The following ZNF236 variants were observed in gnomAD, a reference collection of about 807,000 sequenced individuals.
ZNF236 encodes zinc finger protein 236.
A neutral mutation model predicts 191.2 loss-of-function variants in ZNF236; 50 were observed. That is an observed-to-expected ratio of 0.26 (90% CI 0.21 to 0.33). The LOEUF (loss-of-function observed/expected upper bound fraction) is 0.33. ZNF236 is among the 10% of genes least tolerant of loss of function. ZNF236 has a pLI of 1.00. For synonymous variants in ZNF236, 907 were observed against 928.8 expected (o/e 0.98, Z 0.43); for missense variants, 1,754 against 2,374.5 (o/e 0.74, Z 5.43).
intron 19 of ZNF236, among the ~76,000 whole-genome samples, chr18:76,917,037 TA>T (rs1967386817): frequency 6.6e-6 from 1 of 152,226 alleles, no homozygotes; most frequent in Admixed American, 6.5e-5. Context: ...AAAACTTGCC[TA>T]AACTCCCTCA....
intron 20 of ZNF236, among the ~76,000 whole-genome samples, chr18:76,922,343 C>G (rs553051108): frequency 1.1e-3 from 160 of 152,330 alleles, no homozygotes; most frequent in African/African-American, 3.8e-3. Flanking sequence ...GCCTGTTTTA[C>G]AGCTGCAGCC....
intron 9 of ZNF236, among the ~76,000 whole-genome samples, chr18:76,882,584 T>C (rs1976929936): frequency 6.6e-6 from 1 of 152,200 alleles, no homozygotes; most frequent in African/African-American, 2.4e-5. Context: ...GGGGAACAAG[T>C]GCATTCTTGC....
intron 11 of ZNF236, among the ~76,000 whole-genome samples, chr18:76,903,267 G>C (rs1977651868): frequency 1.3e-5 from 2 of 152,186 alleles, no homozygotes; most frequent in African/African-American, 4.8e-5. Flanking sequence ...GCAAGTTTAA[G>C]AGACATTGGA....
At chr18:76,894,870 C>T (rs754072765) in intron 9 of ZNF236, 143 bp from the exon 10 acceptor site, 3 of 1,147,232 alleles carry the variant, frequency 2.6e-6, no homozygotes, top group East Asian at 2.4e-5. Context: ...TCCTAGCCCT[C>T]GATAATGTCA....
chr18:76,822,620 C>G lies in ZNF236; in HGVS notation c.13C>G (p.Arg5Gly), dbSNP rs1019162854. 6.6e-6 allele frequency: 1 copy of G among 150,728 alleles called. No homozygotes were observed. Among genetic ancestry groups the G allele is most frequent in the African/African-American group, 2.5e-5 (1 of 40,618 alleles). The allele number at this position is 150,728 out of a possible 1,614,324, so 9.3% of individuals were successfully genotyped here. MPRG[R>G]PPKPRESKAR... ...CGGGCCGCCGACGATGCCGCGGGGC[C>G]GCCCCCCGAAGCCCAGGGAGAGCAA... Residue 5 changes from arginine to glycine, a missense_variant, in exon 1 of 31, where the codon CGC (arginine) becomes GGC (glycine). This residue lies in a region of ZNF236 where 336 missense variants were observed against 495.1 expected (regional missense o/e 0.68). Transcript: ENST00000320610.
chr18:76,918,613 A>G (rs1321424014), intron 19 of ZNF236, among the ~76,000 whole-genome samples: 2 of 152,144 alleles, frequency 1.3e-5, no homozygotes, highest in Non-Finnish European at 2.9e-5. Context: ...TTTTTTGTAG[A>G]GACGGGGTCT....
intron 9 of ZNF236, chr18:76,885,502 T>G (rs1977025346): frequency 6.3e-6 from 1 of 157,640 alleles, no homozygotes. Flanking sequence ...CTCTGTTCTC[T>G]GTACCTTCAC....
chr18:76,876,421 A>G (rs982267517), intron 6 of ZNF236, among the ~76,000 whole-genome samples: 1 of 152,220 alleles, frequency 6.6e-6, no homozygotes, highest in African/African-American at 2.4e-5. Context: ...TTTACTTAGA[A>G]TAATACCTTA....
At chr18:76,894,326 T>C (rs2122700808) in intron 9 of ZNF236, among the ~76,000 whole-genome samples, 1 of 152,360 alleles carries the variant, frequency 6.6e-6, no homozygotes, top group South Asian at 2.1e-4. Flanking sequence ...GCACTCACGC[T>C]GCTGCATTCA....
At chr18:76,950,991 T>C (rs1182019448) in intron 27 of ZNF236, among the ~76,000 whole-genome samples, 2 of 152,238 alleles carry the variant, frequency 1.3e-5, no homozygotes, top group East Asian at 3.8e-4. Context: ...AGCAGGAATA[T>C]TTTGAAAGGA....
At chr18:76,842,475 G>A (rs1298766960) in intron 1 of ZNF236, among the ~76,000 whole-genome samples, 3 of 150,036 alleles carry the variant, frequency 2.0e-5, no homozygotes, top group Non-Finnish European at 3.0e-5. Context: ...ACCATAGCCT[G>A]GTGCGATGGC....
At chr18:76,942,753 A>T (rs980899397) in intron 26 of ZNF236, among the ~76,000 whole-genome samples, 13 of 148,376 alleles carry the variant, frequency 8.8e-5, no homozygotes, top group African/African-American at 3.2e-4. Flanking sequence ...TGACCTCGTG[A>T]TCCGCCCGCC....
intron 1 of ZNF236, among the ~76,000 whole-genome samples, chr18:76,843,560 G>A (rs1049754831): frequency 7.0e-6 from 1 of 142,306 alleles, no homozygotes; most frequent in Admixed American, 7.1e-5. Flanking sequence ...GGCGGATCAC[G>A]AGGTCAGGAG....
rs1249686868 is a variant in ZNF236, at chr18:76,969,604, T to G, written c.*1265T>G. On this transcript the variant is annotated 3_prime_UTR_variant, in exon 31 of 31. Transcript: ENST00000320610. ...AATGGATATCTTTTTCATTGTCATATAAAGCTGGGTTTTATTTTTTTTTCC... is the reference window on the plus strand; with the variant it reads ...AATGGATATCTTTTTCATTGTCATAGAAAGCTGGGTTTTATTTTTTTTTCC... 1 of 152,656 alleles carries G rather than the reference T, an allele frequency of 6.6e-6. No individual in the cohort carries two copies. The highest frequency in any genetic ancestry group is 2.4e-5 in the African/African-American group (1 of 41,466). 9.5% of individuals were successfully genotyped at this position (152,656 alleles called of 1,614,324 possible). A position where few individuals can be genotyped will look rare whatever the true frequency, so the allele number is the denominator to read the frequency against.
rs767706711 is a variant in ZNF236 at position 76,919,561 on chromosome 18, G to C, written c.3275-215G>C. ...CTTCACCAACCTCTGTTCATCCCCCGCCCCCCACTTTCCAGTACACTTGGC... is the reference window on the plus strand; with the variant it reads ...CTTCACCAACCTCTGTTCATCCCCCCCCCCCCACTTTCCAGTACACTTGGC... On this transcript the variant is annotated intron_variant, in intron 19 of 30. Transcript: ENST00000320610. The surrounding 1 kb of genome is among the most constrained non-coding windows in gnomAD (Gnocchi z 5.3). Among the ~76,000 whole-genome samples the C allele has an allele frequency of 6.6e-6, 1 of 150,800 alleles. No individual in the cohort carries two copies. The highest frequency in any genetic ancestry group is 2.1e-4 in the South Asian group (1 of 4,762).
chr18:76,887,366 C>T (rs1977088844), intron 9 of ZNF236: 1 of 140,756 alleles, frequency 7.1e-6, no homozygotes, highest in African/African-American at 2.6e-5. Flanking sequence ...AGTGAGACTC[C>T]ATGTCTAAAT....
intron 9 of ZNF236, among the ~76,000 whole-genome samples, chr18:76,893,199 T>C (rs1316431298): frequency 2.0e-5 from 3 of 152,252 alleles, no homozygotes; most frequent in African/African-American, 7.2e-5. Flanking sequence ...TAATTTTTAC[T>C]AGTAGATATT....
chr18:76,845,033 G>A (rs116922766), intron 1 of ZNF236, among the ~76,000 whole-genome samples: 3 of 152,234 alleles, frequency 2.0e-5, no homozygotes, highest in East Asian at 1.9e-4. Context: ...TATTTATTCC[G>A]CACAACTGTG....
chr18:76,856,906 A>G (rs1227162163), intron 3 of ZNF236, among the ~76,000 whole-genome samples: 2 of 152,218 alleles, frequency 1.3e-5, no homozygotes, highest in Non-Finnish European at 2.9e-5. Context: ...TTATTTTCTA[A>G]AATATTCCAC....
Sources: allele counts gnomAD v4.1 joint callset (sites outside exome capture counted in the v4.1 genomes callset), GRCh38; gene constraint gnomAD v4.1.1; regional missense constraint gnomAD v4.1.1; non-coding constraint Gnocchi (gnomAD v3.1); transcripts MANE v1.5; gene names NCBI Gene and HGNC (gene_info 2026-07-23, HGNC 2026-07-21).